The following SLIT2 variants were observed in gnomAD, a reference collection of about 807,000 sequenced individuals.
SLIT2 encodes slit guidance ligand 2.
SLIT2 carries 41 observed loss-of-function variants against 185.7 expected under a neutral mutation model. The observed-to-expected ratio is 0.22, with a 90% confidence interval of 0.17 to 0.29. The LOEUF (loss-of-function observed/expected upper bound fraction) is 0.29. SLIT2 is among the 10% of genes least tolerant of loss of function. The probability of loss-of-function intolerance (pLI) is 1.00; values close to 1 mark genes in which losing one functional copy is unlikely to be tolerated. For synonymous variants in SLIT2, 693 were observed against 680.2 expected (o/e 1.02, Z -0.29); for missense variants, 1,571 against 1,909.0 (o/e 0.82, Z 3.30).
At chr4:20,540,077 C>T (rs979815745) in intron 19 of SLIT2, among the ~76,000 whole-genome samples, 2 of 151,732 alleles carry the variant, frequency 1.3e-5, no homozygotes. Context: ...CAAGGTCAGG[C>T]GTTCGAGACC....
rs931951625 is a variant in SLIT2, at chr4:20,254,419, G to T, written c.179+425G>T. 6.6e-6 allele frequency among the ~76,000 whole-genome samples: 1 copy of T among 152,206 alleles called. No homozygotes were observed. Among genetic ancestry groups the T allele is most frequent in the Non-Finnish European group, 1.5e-5 (1 of 68,038 alleles). On this transcript the variant is annotated intron_variant, in intron 1 of 36. Coordinates refer to ENST00000504154, the MANE Select transcript of SLIT2 (RefSeq NM_004787.4). The surrounding 1 kb of genome is among the most constrained non-coding windows in gnomAD (Gnocchi z 5.1). ...CAGTCCTCGCTCTTGTCGCAGGCTG[G>T]CGCGGAGGGGATAGCAGGGAGACTC...
intron 6 of SLIT2, among the ~76,000 whole-genome samples, chr4:20,482,524 A>G (rs1010844976): frequency 6.6e-6 from 1 of 151,996 alleles, no homozygotes; most frequent in African/African-American, 2.4e-5. Flanking sequence ...ATGAAAACAC[A>G]ATCATCTCAT....
chr4:20,581,022 C>T (rs1037561037), intron 29 of SLIT2, among the ~76,000 whole-genome samples: 1 of 152,168 alleles, frequency 6.6e-6, no homozygotes, highest in African/African-American at 2.4e-5. Context: ...TGTAAACTTC[C>T]AGTGATTTGG....
intron 11 of SLIT2, among the ~76,000 whole-genome samples, chr4:20,516,018 C>T (rs1430358772): frequency 3.3e-5 from 5 of 152,116 alleles, no homozygotes; most frequent in Non-Finnish European, 5.9e-5. Context: ...GGTTTCACTG[C>T]GTTGGCCAGG....
Position 20,253,685 on chromosome 4 carries a change from T to G in SLIT2, c.-131T>G. The G allele has an allele frequency of 1.9e-6, 2 of 1,066,066 alleles. No individual in the cohort carries two copies. Among genetic ancestry groups the G allele is most frequent in the Non-Finnish European group, 2.7e-6 (2 of 730,626 alleles). The allele number at this position is 1,066,066 out of a possible 1,614,324, so 66.0% of individuals were successfully genotyped here. On this transcript the variant is annotated 5_prime_UTR_variant, in exon 1 of 37. Coordinates refer to ENST00000504154, the MANE Select transcript of SLIT2 (RefSeq NM_004787.4). ...TACTGCCTTGTTCCATATTATTTGG[T>G]GCACATTTTCCCTGGCACTCTGGGT...
Position 20,617,655 on chromosome 4 carries a change from G to A in SLIT2, c.4348+5G>A, listed in dbSNP as rs759084728. The A allele has an allele frequency of 6.2e-7, 1 of 1,605,610 alleles. No individual in the cohort carries two copies. Among genetic ancestry groups the A allele is most frequent in the South Asian group, 1.1e-5 (1 of 90,030 alleles). On this transcript the variant is annotated splice_donor_5th_base_variant and intron_variant, in intron 36 of 36. Coordinates refer to ENST00000504154, the MANE Select transcript of SLIT2 (RefSeq NM_004787.4). The stretch of plus-strand genomic sequence containing the variant: ...CGGGGGACAGCTGTGATCGAGGTAA[G>A]CCAGCCCCACTGGGCACCTCATTCT...
At chr4:20,431,034 A>G (rs556823176) in intron 4 of SLIT2, among the ~76,000 whole-genome samples, 1 of 152,354 alleles carries the variant, frequency 6.6e-6, no homozygotes, top group East Asian at 1.9e-4. Context: ...AGCACTTAGT[A>G]TTTGAACCGT....
At chr4:20,457,656 G>A (rs548119647) in intron 4 of SLIT2, among the ~76,000 whole-genome samples, 1 of 152,134 alleles carries the variant, frequency 6.6e-6, no homozygotes, top group East Asian at 1.9e-4. Flanking sequence ...TCAGTGCAGT[G>A]GCATAATGAT....
At chr4:20,537,764 G>A (rs1722428074) in intron 18 of SLIT2, among the ~76,000 whole-genome samples, 1 of 151,988 alleles carries the variant, frequency 6.6e-6, no homozygotes, top group Non-Finnish European at 1.5e-5. Context: ...CTTTTGTCTT[G>A]GAGCTATGAA....
chr4:20,385,248 A>G (rs1187262784), intron 4 of SLIT2, among the ~76,000 whole-genome samples: 1 of 152,190 alleles, frequency 6.6e-6, no homozygotes, highest in Admixed American at 6.5e-5. Flanking sequence ...AAGGAAATAT[A>G]CTAGCATTTT....
In SLIT2 at chr4:20,426,143, A is replaced by ACATGGCAG. The variant is rs1326973120; in HGVS notation, c.396-41607_396-41600dup. On this transcript the variant is annotated intron_variant, in intron 4 of 36. Coordinates refer to ENST00000504154, the MANE Select transcript of SLIT2 (RefSeq NM_004787.4). ...CTCAGTGTGTAGTGTGGTACCTAAC[A>ACATGGCAG]CATGGCAGCTGACTTTGGCTTAACC... 3.9e-5 allele frequency among the ~76,000 whole-genome samples: 6 copies of ACATGGCAG among 152,146 alleles called. No individual in the cohort carries two copies. In the South Asian group the frequency reaches 1.0e-3, roughly 26 times the overall value.
chr4:20,341,480 G>C (rs184592141), intron 4 of SLIT2, among the ~76,000 whole-genome samples: 3 of 152,192 alleles, frequency 2.0e-5, no homozygotes, highest in African/African-American at 7.2e-5. Context: ...CAAATAGAGT[G>C]AAAGAAAATT....
At position 20,498,346 on chromosome 4, in the gene SLIT2, A is replaced by G. The variant is rs114111015; in HGVS notation, c.914+6447A>G. On this transcript the variant is annotated intron_variant, in intron 9 of 36. Transcript: ENST00000504154. The stretch of plus-strand genomic sequence containing the variant: ...GCACTTTGCTGCGTTGAACTATGCT[A>G]GTTGAAAACCTTATTCTTCAATAGT... Among the ~76,000 whole-genome samples the G allele has an allele frequency of 3.6e-3, 545 of 152,310 alleles. 4 individuals are homozygous for G. Among genetic ancestry groups the G allele is most frequent in the African/African-American group, 0.013 (524 of 41,584 alleles).
chr4:20,358,576 TC>T (rs1434953474), intron 4 of SLIT2, among the ~76,000 whole-genome samples: 4 of 152,150 alleles, frequency 2.6e-5, no homozygotes, highest in African/African-American at 9.7e-5. Flanking sequence ...AGACAATCTG[TC>T]TCTAAGGTGC....
intron 4 of SLIT2, among the ~76,000 whole-genome samples, chr4:20,297,797 A>G (rs1181932514): frequency 6.6e-6 from 1 of 150,422 alleles, no homozygotes; most frequent in African/African-American, 2.5e-5. Context: ...AGAGGAGATC[A>G]ACACATGAAT....
chr4:20,552,160 G>T (rs1723815774), intron 25 of SLIT2, among the ~76,000 whole-genome samples: 1 of 152,178 alleles, frequency 6.6e-6, no homozygotes, highest in African/African-American at 2.4e-5. Context: ...GAGATGCAGG[G>T]CTGTGGTGCC....
chr4:20,359,978 G>C (rs960418263), intron 4 of SLIT2, among the ~76,000 whole-genome samples: 2 of 152,112 alleles, frequency 1.3e-5, no homozygotes, highest in Non-Finnish European at 2.9e-5. Context: ...TGAGAAGAAA[G>C]AGTATTCAGT....
intron 4 of SLIT2, among the ~76,000 whole-genome samples, chr4:20,400,808 C>T (rs1004035722): frequency 6.6e-6 from 1 of 151,638 alleles, no homozygotes; most frequent in Non-Finnish European, 1.5e-5. Context: ...ACTTAGATGT[C>T]TAAGAAAGAG....
chr4:20,319,368 A>C (rs1718853223), intron 4 of SLIT2, among the ~76,000 whole-genome samples: 1 of 152,188 alleles, frequency 6.6e-6, no homozygotes, highest in African/African-American at 2.4e-5. Context: ...GTGGTGAAAT[A>C]AGATGTGATT....
Sources: allele counts gnomAD v4.1 joint callset (sites outside exome capture counted in the v4.1 genomes callset), GRCh38; gene constraint gnomAD v4.1.1; non-coding constraint Gnocchi (gnomAD v3.1); transcripts MANE v1.5; gene names NCBI Gene and HGNC (gene_info 2026-07-23, HGNC 2026-07-21).